GLB1L2: variants seen among roughly 807,000 people sequenced by gnomAD.
GLB1L2 encodes beta-galactosidase-1-like protein 2.
Under a neutral mutation model 84.1 loss-of-function variants are expected in GLB1L2, and 68 were observed. The ratio of observed to expected loss-of-function variants is 0.81; its 90% CI spans 0.67 to 0.99. The LOEUF is 0.99. Ranked by LOEUF, GLB1L2 falls within the 50% of genes least tolerant of loss-of-function variation. The pLI is 0.00. For synonymous variants in GLB1L2, 290 were observed against 318.0 expected (o/e 0.91, Z 0.94); for missense variants, 762 against 805.6 (o/e 0.95, Z 0.66).
At chr11:134,353,345 G>T (rs973067443) in intron 5 of GLB1L2, among the ~76,000 whole-genome samples, 1 of 152,178 alleles carries the variant, frequency 6.6e-6, no homozygotes, top group Non-Finnish European at 1.5e-5. Context: ...GGGAGATGGA[G>T]GTTGCAGTGA....
At chr11:134,364,173 G>A (rs949502014) in intron 7 of GLB1L2, among the ~76,000 whole-genome samples, 155 bp from the exon 8 acceptor site, 21 of 152,138 alleles carry the variant, frequency 1.4e-4, no homozygotes, top group African/African-American at 3.9e-4. Flanking sequence ...GAGCCACCGC[G>A]CCTGACTGTG....
intron 5 of GLB1L2, among the ~76,000 whole-genome samples, chr11:134,349,585 C>T (rs746773441): frequency 2.6e-5 from 4 of 152,198 alleles, no homozygotes; most frequent in Non-Finnish European, 4.4e-5. Context: ...GCAATTTCCC[C>T]ACATCCTTGC....
chr11:134,356,446 T>A, intron 6 of GLB1L2, 53 bp downstream of exon 6: 1 of 1,293,208 alleles, frequency 7.7e-7, no homozygotes, highest in Non-Finnish European at 1.1e-6. Context: ...GAGTGTGCTA[T>A]AGGCTGTGGT....
Position 134,375,353 on chromosome 11 carries a change from T to C in GLB1L2, c.*295T>C. 1 of 357,550 alleles carries C rather than the reference T, an allele frequency of 2.8e-6. No homozygotes were observed. The highest frequency in any genetic ancestry group is 5.0e-6 in the Non-Finnish European group (1 of 198,876). The allele number at this position is 357,550 out of a possible 1,614,324, so 22.1% of individuals were successfully genotyped here. On this transcript the variant is annotated 3_prime_UTR_variant, in exon 19 of 19. Coordinates refer to ENST00000535456, the MANE Select transcript of GLB1L2 (RefSeq NM_001370461.1). ...GCAGCTAATCAGATCGCCCAGCCTTTGGCCCTCAGAAAAAGTGCTGAAACG... is the reference window on the plus strand; with the variant it reads ...GCAGCTAATCAGATCGCCCAGCCTTCGGCCCTCAGAAAAAGTGCTGAAACG...
At chr11:134,363,483 G>A (rs1430650338) in intron 7 of GLB1L2, among the ~76,000 whole-genome samples, 1 of 152,232 alleles carries the variant, frequency 6.6e-6, no homozygotes, top group East Asian at 1.9e-4. Context: ...GGATAAGGCT[G>A]TGCCACTGGG....
At position 134,342,831 on chromosome 11, in the gene GLB1L2, T is replaced by A. The variant is rs1197198469; in HGVS notation, c.164T>A (p.Met55Lys). The change falls in exon 2 of 19, where the codon ATG becomes AAG. Residue 55 changes from methionine to lysine, a missense_variant. Met to Lys is a moderately conservative substitution (Grantham distance 95). This residue lies in a region of GLB1L2 where 100 missense variants were observed against 88.8 expected (regional missense o/e 1.13). Transcript: ENST00000535456. ...LGLQAKGWNF[M>K]LEDSTFWIFG... ...CTGCAGGCCAAGGGCTGGAACTTCA[T>A]GCTGGAGGATTCCACCTTCTGGATC... 3.1e-6 allele frequency: 5 copies of A among 1,614,050 alleles called. No homozygotes were observed. The highest frequency in any genetic ancestry group is 4.2e-6 in the Non-Finnish European group (5 of 1,180,030).
chr11:134,374,997 C>A lies in GLB1L2; in HGVS notation c.1850C>A (p.Ala617Glu), dbSNP rs3741095. Residue 617 changes from alanine (A) to glutamate (E), a missense_variant, in exon 19 of 19, where the codon GCG (alanine) becomes GAG (glutamate). Ala to Glu is a moderately radical substitution (Grantham distance 107). Around this residue, in one of 3 missense-constraint regions of GLB1L2, gnomAD observed 603 missense variants for 611.7 expected, o/e 0.99. Coordinates refer to ENST00000535456, the MANE Select transcript of GLB1L2 (RefSeq NM_001370461.1). ...GTCATCGTTTTTGAGGAGACGATGG[C>A]GGGCCCTGCATTACAGTTCACGGAA... ...NQVIVFEETM[A>E]GPALQFTETP... 7.4e-6 allele frequency: 12 copies of A among 1,613,590 alleles called. No individual in the cohort carries two copies. The East Asian group carries it at 2.5e-4, about 33-fold the overall frequency.
chr11:134,374,263 A>G lies in GLB1L2; in HGVS notation c.1707+7A>G. On this transcript the variant is annotated splice_region_variant and intron_variant, in intron 17 of 18. Transcript: ENST00000535456. ...CACCTTTCTGAAGCTGGAGGTTGGT[A>G]ACGCCCTTTTCCCTGCCAGTTTCTC... The G allele has an allele frequency of 2.5e-6, 4 of 1,590,152 alleles. No homozygotes were observed. The highest frequency in any genetic ancestry group is 3.5e-6 in the Non-Finnish European group (4 of 1,158,212).
Position 134,359,082 on chromosome 11 carries a change from T to C in GLB1L2, c.674T>C (p.Val225Ala). The change falls in exon 7 of 19, where the codon GTG becomes GCG. Residue 225 changes from valine to alanine, a missense_variant. Val to Ala is a moderately conservative substitution (Grantham distance 64, BLOSUM62 0). Transcript: ENST00000535456. ...CAGGCACTGGAGGACCGTGGCATTG[T>C]GGAACTGCTCCTGACTTCAGACAAC... ...VKKALEDRGIVELLLTSDNKD... is the reference protein window; with the variant it reads ...VKKALEDRGIAELLLTSDNKD... 1.9e-6 allele frequency: 3 copies of C among 1,603,870 alleles called. No homozygotes were observed. Among genetic ancestry groups the C allele is most frequent in the South Asian group, 2.2e-5 (2 of 89,216 alleles).
At position 134,367,237 on chromosome 11, in the gene GLB1L2, T is replaced by C. The variant is rs368621705; in HGVS notation, c.805-20T>C. On this transcript the variant is annotated intron_variant, in intron 8 of 18. Coordinates refer to ENST00000535456, the MANE Select transcript of GLB1L2 (RefSeq NM_001370461.1). ...TGTCTGGCCAGCCTGCTTGTCTAAC[T>C]CTCATTTTGTGGTGTCCAGGGGACT... is the stretch of plus-strand genomic sequence containing the variant. 22 of 1,608,752 alleles carry C rather than the reference T, an allele frequency of 1.4e-5. No homozygotes were observed. The African/African-American group carries it at 2.8e-4, about 21-fold the overall frequency.
At chr11:134,353,020 G>T (rs1393874711) in intron 5 of GLB1L2, among the ~76,000 whole-genome samples, 1 of 152,056 alleles carries the variant, frequency 6.6e-6, no homozygotes, top group African/African-American at 2.4e-5. Context: ...CCACATACTT[G>T]AATTTTTCAG....
chr11:134,371,950 G>A, intron 15 of GLB1L2, 120 bp downstream of exon 15: 1 of 935,680 alleles, frequency 1.1e-6, no homozygotes. Context: ...TGGAGGCTGG[G>A]TTGTCCCATA....
rs535316576 is a variant in GLB1L2, at chr11:134,332,017, C to A, written c.-45C>A. 3.0e-5 allele frequency: 42 copies of A among 1,379,738 alleles called. No homozygotes were observed. The African/African-American group carries it at 5.3e-4, about 17-fold the overall frequency. 85.5% of individuals were successfully genotyped at this position (1,379,738 alleles called of 1,614,324 possible). ...CGAGGCTCCCGCGCGCGGCTGAGTG[C>A]GGACTGGAGTGGGAACCCGGGTCCC... On this transcript the variant is annotated 5_prime_UTR_variant, in exon 1 of 19. Transcript: ENST00000535456.
chr11:134,367,575 A>G (rs1943882413), intron 9 of GLB1L2, among the ~76,000 whole-genome samples: 1 of 152,196 alleles, frequency 6.6e-6, no homozygotes, highest in East Asian at 1.9e-4. Context: ...ATGCATGCCT[A>G]TTGCAAACAT....
chr11:134,344,874 C>G (rs559241391), intron 3 of GLB1L2, among the ~76,000 whole-genome samples, 160 bp from the exon 4 acceptor site: 10 of 152,332 alleles, frequency 6.6e-5, no homozygotes, highest in African/African-American at 2.4e-4. Context: ...GGGAGCAGCT[C>G]AGGCCACCGA....
chr11:134,349,570 G>A (rs1943597122), intron 5 of GLB1L2, among the ~76,000 whole-genome samples: 2 of 152,180 alleles, frequency 1.3e-5, no homozygotes, highest in South Asian at 4.1e-4. Flanking sequence ...CAATACACAA[G>A]CTTTGCAATT....
chr11:134,335,751 G>A (rs1014291898), intron 1 of GLB1L2, among the ~76,000 whole-genome samples: 12 of 152,166 alleles, frequency 7.9e-5, no homozygotes, highest in Non-Finnish European at 1.5e-4. Flanking sequence ...ATAAAAACAT[G>A]TAGTCCTTGA....
chr11:134,372,983 C>T (rs755463217), intron 15 of GLB1L2, among the ~76,000 whole-genome samples: 1 of 152,214 alleles, frequency 6.6e-6, no homozygotes, highest in Non-Finnish European at 1.5e-5. Context: ...TGTTGAGGGT[C>T]CCCTGGGCCC....
At chr11:134,366,515 A>G (rs531768199) in intron 8 of GLB1L2, among the ~76,000 whole-genome samples, 1 of 152,350 alleles carries the variant, frequency 6.6e-6, no homozygotes, top group South Asian at 2.1e-4. Context: ...GCAGAGCCTG[A>G]AATACTAGCG....
Sources: allele counts gnomAD v4.1 joint callset (sites outside exome capture counted in the v4.1 genomes callset), GRCh38; gene constraint gnomAD v4.1.1; regional missense constraint gnomAD v4.1.1; transcripts MANE v1.5; gene names NCBI Gene and HGNC (gene_info 2026-07-23, HGNC 2026-07-21).